NEUROD1: variants seen among roughly 807,000 people sequenced by gnomAD.
NEUROD1 encodes the protein neurogenic differentiation factor 1.
NEUROD1 carries 9 observed loss-of-function variants against 21.8 expected under a neutral mutation model. That is an observed-to-expected ratio of 0.41 (90% CI 0.25 to 0.72). NEUROD1 has a LOEUF of 0.72. Among genes scored for constraint, NEUROD1 ranks in the 30% least tolerant of loss-of-function variants. The pLI is 0.31. For missense variants in NEUROD1, 434 were observed against 468.8 expected (o/e 0.93, Z 0.69); for synonymous variants, 199 against 186.2 (o/e 1.07, Z -0.56).
downstream of NEUROD1, among the ~76,000 whole-genome samples, chr2:181,675,041 C>G (rs1442657666): frequency 6.6e-6 from 1 of 152,110 alleles, no homozygotes; most frequent in Non-Finnish European, 1.5e-5. Flanking sequence ...TCATTACCTC[C>G]TACACTGGAA....
downstream of NEUROD1, among the ~76,000 whole-genome samples, chr2:181,668,796 G>A (rs1003392095): frequency 1.3e-5 from 2 of 152,146 alleles, no homozygotes; most frequent in Non-Finnish European, 2.9e-5. Context: ...TAATATCATG[G>A]TCTCTGAATT....
At chr2:181,669,173 A>C (rs887876640), downstream of NEUROD1, among the ~76,000 whole-genome samples, 2 of 152,182 alleles carry the variant, frequency 1.3e-5, no homozygotes, top group Non-Finnish European at 2.9e-5. Flanking sequence ...AAAATGAGCA[A>C]GCAACAACAA....
chr2:181,670,669 G>A (rs3863939), exon 2 of NEUROD1, among the ~76,000 whole-genome samples: 64,723 of 151,792 alleles, frequency 0.43, 15,435 homozygotes, highest in South Asian at 0.77. Flanking sequence ...GATTCAGAAG[G>A]AGAAGCTGAG....
Position 181,677,647 on chromosome 2 carries a change from T to A in NEUROD1, c.*143A>T, listed in dbSNP as rs116684288. On this transcript the variant is annotated 3_prime_UTR_variant, in exon 2 of 2. Transcript: ENST00000295108. ...CCCCTGTTTCTTCCAAAGGCAGTAA[T>A]GACAATAAATACATATATCACTTGA... 42 of 1,450,172 alleles carry A rather than the reference T, an allele frequency of 2.9e-5. No homozygotes were observed. The highest frequency in any genetic ancestry group is 3.5e-5 in the Non-Finnish European group (37 of 1,062,616). 89.8% of individuals were successfully genotyped at this position (1,450,172 alleles called of 1,614,324 possible).
Position 181,678,755 on chromosome 2 carries a change from C to T in NEUROD1, c.106G>A (p.Ala36Thr). 6.2e-7 allele frequency: 1 copy of T among 1,612,988 alleles called. No homozygotes were observed. The highest frequency in any genetic ancestry group is 8.5e-7 in the Non-Finnish European group (1 of 1,179,264). Residue 36 changes from alanine (A) to threonine (T), a missense_variant, in exon 2 of 2, where the codon GCA becomes ACA. Transcript: ENST00000295108. This position sits in a 1 kb window ranked among gnomAD's most constrained non-coding sequence, Gnocchi z 5.5. Reference protein sequence around the residue: ...CLSSQDEEHEADKKEDDLETM... With the variant: ...CLSSQDEEHETDKKEDDLETM... ...TCGAGGTCGTCCTCCTTCTTGTCTG[C>T]CTCGTGCTCCTCGTCCTGAGAACTG...
chr2:181,679,856 G>C (rs1688665323), intron 1 of NEUROD1, among the ~76,000 whole-genome samples: 1 of 152,224 alleles, frequency 6.6e-6, no homozygotes, highest in Non-Finnish European at 1.5e-5. Context: ...GGCTGCTGGG[G>C]ACTTGGCCGC....
chr2:181,678,585 A>T lies in NEUROD1; in HGVS notation c.276T>A (p.Thr92=). The change falls in exon 2 of 2, where the codon ACT becomes ACA. Residue 92 remains threonine (T), a synonymous_variant. Coordinates refer to ENST00000295108, the MANE Select transcript of NEUROD1 (RefSeq NM_002500.5). This position sits in a 1 kb window ranked among gnomAD's most constrained non-coding sequence, Gnocchi z 5.5. ...ATTTAAAACGCTCCAGGCGAGCCTT[A>T]GTCATCTTCTTCTTTTTGGGGCCGC... ...KRRGPKKKKM[T]KARLERFKLR... 1 of 1,509,896 alleles carries T rather than the reference A, an allele frequency of 6.6e-7. No individual in the cohort carries two copies. Among genetic ancestry groups the T allele is most frequent in the Non-Finnish European group, 9.2e-7 (1 of 1,085,774 alleles). The allele number at this position is 1,509,896 out of a possible 1,614,324, so 93.5% of individuals were successfully genotyped here.
chr2:181,671,518 C>G (rs1307085453), downstream of NEUROD1, among the ~76,000 whole-genome samples: 2 of 151,948 alleles, frequency 1.3e-5, no homozygotes, highest in African/African-American at 4.8e-5. Context: ...CAGCCTTGAC[C>G]TCCCCAGGCT....
chr2:181,679,589 C>CA (rs1688660856), intron 1 of NEUROD1, among the ~76,000 whole-genome samples: 1 of 152,234 alleles, frequency 6.6e-6, no homozygotes, highest in Non-Finnish European at 1.5e-5. Flanking sequence ...GCGCTAGCTG[C>CA]AGGGCGAGGG....
Position 181,678,636 on chromosome 2 carries a change from C to T in NEUROD1, c.225G>A (p.Glu75=), listed in dbSNP as rs761081975. ...DLEEEEEEEE[E]DDDQKPKRRG... ...GTCTCTTGGGCTTTTGATCGTCATC[C>T]TCCTCTTCCTCTTCTTCCTCCTCTT... is the stretch of plus-strand genomic sequence containing the variant. Residue 75 remains glutamate, a synonymous_variant, in exon 2 of 2, where the codon GAG becomes GAA. Coordinates refer to ENST00000295108, the MANE Select transcript of NEUROD1 (RefSeq NM_002500.5). This position sits in a 1 kb window ranked among gnomAD's most constrained non-coding sequence, Gnocchi z 5.5. 1 of 1,613,886 alleles carries T rather than the reference C, an allele frequency of 6.2e-7. No homozygotes were observed. The highest frequency in any genetic ancestry group is 1.1e-5 in the South Asian group (1 of 91,006).
At chr2:181,670,578 A>T (rs1688483963) in exon 2 of NEUROD1, among the ~76,000 whole-genome samples, 1 of 152,186 alleles carries the variant, frequency 6.6e-6, no homozygotes, top group South Asian at 2.1e-4. Flanking sequence ...GTAGCTTAAG[A>T]CAACAGAAAT....
Position 181,678,165 on chromosome 2 carries a change from A to G in NEUROD1, c.696T>C (p.Gly232=), listed in dbSNP as rs759336066. ...GGAAGACATGGGAGCTGTCCATGGT[A>G]CCGTAAGGCGGACTGGGCAGCCCAG... is the stretch of plus-strand genomic sequence containing the variant. ...QSPGLPSPPY[G]TMDSSHVFHV... The change falls in exon 2 of 2, where the codon GGT becomes GGC. Residue 232 remains glycine, a synonymous_variant. Transcript: ENST00000295108. The surrounding 1 kb of genome is among the most constrained non-coding windows in gnomAD (Gnocchi z 5.5). 9 of 1,613,896 alleles carry G rather than the reference A, an allele frequency of 5.6e-6. No homozygotes were observed. The African/African-American group carries it at 1.2e-4, about 22-fold the overall frequency.
chr2:181,672,632 G>T (rs771778101), downstream of NEUROD1, among the ~76,000 whole-genome samples: 9 of 152,226 alleles, frequency 5.9e-5, no homozygotes, highest in Non-Finnish European at 1.2e-4. Context: ...TGGAGTTGAA[G>T]TCAGTTGCTA....
In NEUROD1 at chr2:181,677,518, C is replaced by T. The variant is rs1198424720; in HGVS notation, c.*272G>A. The T allele has an allele frequency of 2.3e-6, 1 of 437,424 alleles. No individual in the cohort carries two copies. The highest frequency in any genetic ancestry group is 4.1e-6 in the Non-Finnish European group (1 of 241,426). The allele number at this position is 437,424 out of a possible 1,614,324, so 27.1% of individuals were successfully genotyped here. A position where few individuals can be genotyped will look rare whatever the true frequency, so the allele number is the denominator to read the frequency against. On this transcript the variant is annotated 3_prime_UTR_variant, in exon 2 of 2. Transcript: ENST00000295108. ...GATAATTAATACGATCTGAATACAG[C>T]CACACCAAATTCGTGGTGTATTTTT...
chr2:181,669,715 C>T (rs1246720907), downstream of NEUROD1, among the ~76,000 whole-genome samples: 1 of 152,080 alleles, frequency 6.6e-6, no homozygotes, highest in Non-Finnish European at 1.5e-5. Flanking sequence ...AAAAAGAAAG[C>T]AAGCATAAGA....
rs536914783 is a variant in NEUROD1, at chr2:181,677,876, G to A, written c.985C>T (p.Pro329Ser). ...TCGAAGGACATAATATTGTCTATGG[G>A]GATCTCGCAGCGAGGGGCAGCGGTG... Reference protein sequence around the residue: ...SGTAAPRCEIPIDNIMSFDSH... With the variant: ...SGTAAPRCEISIDNIMSFDSH... Residue 329 changes from proline (P) to serine (S), a missense_variant, in exon 2 of 2, where the codon CCC becomes TCC. Coordinates refer to ENST00000295108, the MANE Select transcript of NEUROD1 (RefSeq NM_002500.5). 2 of 1,614,186 alleles carry A rather than the reference G, an allele frequency of 1.2e-6. No individual in the cohort carries two copies. The highest frequency in any genetic ancestry group is 1.7e-6 in the Non-Finnish European group (2 of 1,180,024).
downstream of NEUROD1, among the ~76,000 whole-genome samples, chr2:181,669,409 C>T (rs1209761192): frequency 6.6e-6 from 1 of 152,152 alleles, no homozygotes; most frequent in Non-Finnish European, 1.5e-5. Context: ...TTCTACCCTA[C>T]TCTAATTCTC....
downstream of NEUROD1, among the ~76,000 whole-genome samples, chr2:181,669,237 T>C (rs1688463413): frequency 6.6e-6 from 1 of 152,164 alleles, no homozygotes; most frequent in Non-Finnish European, 1.5e-5. Context: ...AAAACCCATC[T>C]CAAACCAGCT....
rs1281506503 is a variant in NEUROD1, at chr2:181,676,822, T to C, written c.*968A>G. On this transcript the variant is annotated 3_prime_UTR_variant, in exon 2 of 2. Coordinates refer to ENST00000295108, the MANE Select transcript of NEUROD1 (RefSeq NM_002500.5). The stretch of plus-strand genomic sequence containing the variant: ...CATGCATTTATATTTTCTGGAAACA[T>C]CAATAGCTTCAGATTCTCTGTAAAA... 6.6e-6 allele frequency: 1 copy of C among 152,602 alleles called. No individual in the cohort carries two copies. The highest frequency in any genetic ancestry group is 1.5e-5 in the Non-Finnish European group (1 of 68,006). The allele number at this position is 152,602 out of a possible 1,614,324, so 9.5% of individuals were successfully genotyped here.
Sources: gnomAD v4.1 joint callset for allele counts (sites outside exome capture counted in the v4.1 genomes callset) on GRCh38, gnomAD v4.1.1 for gene constraint, Gnocchi (gnomAD v3.1) non-coding constraint, MANE v1.5 for transcripts, NCBI Gene and HGNC (gene_info 2026-07-23, HGNC 2026-07-21) for gene names.